The following HEG1 variants were observed in gnomAD, a reference collection of about 807,000 sequenced individuals.
HEG1 encodes the protein heart development protein with EGF like domains 1, also known as protein HEG homolog 1.
In HEG1, 56 loss-of-function variants were observed where a neutral mutation model predicts 125.6. The ratio of observed to expected loss-of-function variants is 0.45; its 90% CI spans 0.36 to 0.56. HEG1 has a LOEUF of 0.56. HEG1 is among the 20% of genes least tolerant of loss of function. HEG1 has a pLI of 0.00. For synonymous variants in HEG1, 644 were observed against 668.5 expected, an observed-to-expected ratio of 0.96 and a Z score of 0.57; for missense variants, 1,523 against 1,670.0, an observed-to-expected ratio of 0.91 and a Z score of 1.53.
chr3:125,048,024 G>T (rs1324779596), intron 1 of HEG1, among the ~76,000 whole-genome samples: 1 of 151,954 alleles, frequency 6.6e-6, no homozygotes, highest in African/African-American at 2.4e-5. Context: ...ATAGATGGGG[G>T]CTCCTGTTAT....
In HEG1 at chr3:125,055,540, A is replaced by C. The variant is rs1178931717; in HGVS notation, c.316+35T>G. 8 of 1,179,840 alleles carry C rather than the reference A, an allele frequency of 6.8e-6. No individual in the cohort carries two copies. The African/African-American group carries it at 1.3e-4, about 19-fold the overall frequency. 73.1% of individuals were successfully genotyped at this position (1,179,840 alleles called of 1,614,324 possible). On this transcript the variant is annotated intron_variant, in intron 1 of 16. Transcript: ENST00000311127. The stretch of plus-strand genomic sequence containing the variant: ...GGGCGCGCCCACGCCCCCAGCACAG[A>C]CTGGCCAGGCGCCAGGTTCCCGGCT...
chr3:124,984,716 A>G (rs1010778520), intron 14 of HEG1, among the ~76,000 whole-genome samples: 38 of 152,108 alleles, frequency 2.5e-4, no homozygotes, highest in African/African-American at 8.9e-4. Context: ...CCAAGATCGC[A>G]CTACTGCACT....
chr3:125,039,010 C>T (rs1487364433), intron 1 of HEG1, among the ~76,000 whole-genome samples: 3 of 152,200 alleles, frequency 2.0e-5, no homozygotes, highest in Non-Finnish European at 4.4e-5. Context: ...CCCATTCACA[C>T]CAACCCTCCT....
intron 1 of HEG1, among the ~76,000 whole-genome samples, chr3:125,045,306 G>C (rs566766435): frequency 6.6e-6 from 1 of 152,034 alleles, no homozygotes; most frequent in Non-Finnish European, 1.5e-5. Flanking sequence ...CCTTCCCCTC[G>C]GCCTCCTGGC....
rs1335271568 is a variant in HEG1 at position 124,977,854 on chromosome 3, C to T, written c.3821+5G>A. ...GGGATTGGAACCTGAACTCTCATCA[C>T]TTACCTGCAACAGGTAACAATCAGT... On this transcript the variant is annotated splice_donor_5th_base_variant and intron_variant, in intron 15 of 16. Transcript: ENST00000311127. 3.9e-6 allele frequency: 6 copies of T among 1,552,692 alleles called. No homozygotes were observed. Among genetic ancestry groups the T allele is most frequent in the Admixed American group, 1.9e-5 (1 of 52,336 alleles).
At chr3:124,988,831 C>T (rs1437293615) in intron 14 of HEG1, among the ~76,000 whole-genome samples, 1 of 152,160 alleles carries the variant, frequency 6.6e-6, no homozygotes. Flanking sequence ...GCAAGAAAAT[C>T]GCTTGAACCC....
chr3:125,000,369 T>C (rs952385458), intron 11 of HEG1, among the ~76,000 whole-genome samples: 2 of 152,158 alleles, frequency 1.3e-5, no homozygotes, highest in African/African-American at 4.8e-5. Flanking sequence ...AAACAAAAAG[T>C]AACCTGGTGC....
intron 3 of HEG1, 61 bp from the exon 4 acceptor site, chr3:125,021,191 T>C (rs1443188987): frequency 7.9e-7 from 1 of 1,269,676 alleles, no homozygotes; most frequent in East Asian, 2.5e-5. Flanking sequence ...CCGGACTATA[T>C]TCGAGATACA....
chr3:125,049,964 C>T (rs1937766990), intron 1 of HEG1, among the ~76,000 whole-genome samples: 1 of 152,202 alleles, frequency 6.6e-6, no homozygotes, highest in African/African-American at 2.4e-5. Context: ...AAGCCCTCCA[C>T]AATCAGGTCT....
intron 12 of HEG1, among the ~76,000 whole-genome samples, chr3:124,992,248 C>T (rs1387182192): frequency 6.6e-6 from 1 of 152,194 alleles, no homozygotes; most frequent in Non-Finnish European, 1.5e-5. Context: ...GGTGGTGCAG[C>T]TCATGGAACG....
chr3:125,028,604 T>C (rs1485412249), intron 2 of HEG1, among the ~76,000 whole-genome samples: 2 of 152,220 alleles, frequency 1.3e-5, no homozygotes, highest in Non-Finnish European at 2.9e-5. Context: ...TTGGGACAAC[T>C]AACTTCTCTG....
chr3:125,048,225 A>G (rs973020825), intron 1 of HEG1, among the ~76,000 whole-genome samples: 2 of 152,252 alleles, frequency 1.3e-5, no homozygotes, highest in African/African-American at 4.8e-5. Flanking sequence ...GAAACTGTCC[A>G]TTTTTAATAG....
At chr3:125,051,338 G>A (rs1430675609) in intron 1 of HEG1, among the ~76,000 whole-genome samples, 1 of 150,514 alleles carries the variant, frequency 6.6e-6, no homozygotes. Context: ...TGGAGGGAGG[G>A]AGGAAGACGA....
chr3:125,050,142 C>CTTT (rs35715939), intron 1 of HEG1, among the ~76,000 whole-genome samples: 3 of 113,554 alleles, frequency 2.6e-5, no homozygotes, highest in African/African-American at 6.4e-5. Context: ...CACCAACTCT[C>CTTT]TTTTTTTTTT....
intron 1 of HEG1, among the ~76,000 whole-genome samples, chr3:125,038,548 G>A (rs978200325): frequency 3.3e-5 from 5 of 152,170 alleles, no homozygotes; most frequent in South Asian, 2.1e-4. Context: ...ACATCCAAGC[G>A]CTTTACACCA....
At chr3:124,985,925 G>A (rs1936731267) in intron 14 of HEG1, among the ~76,000 whole-genome samples, 1 of 152,222 alleles carries the variant, frequency 6.6e-6, no homozygotes, top group African/African-American at 2.4e-5. Context: ...TTACAGGCAT[G>A]TGCCACCATG....
Position 124,967,626 on chromosome 3 carries a change from G to A in HEG1, c.*3026C>T, listed in dbSNP as rs1397564609. 1 of 152,078 alleles carries A rather than the reference G, an allele frequency of 6.6e-6. No individual in the cohort carries two copies. The highest frequency in any genetic ancestry group is 2.4e-5 in the African/African-American group (1 of 41,376). The allele number at this position is 152,078 out of a possible 1,614,324, so 9.4% of individuals were successfully genotyped here. A position where few individuals can be genotyped will look rare whatever the true frequency, so the allele number is the denominator to read the frequency against. ...GGGGTGTGCCAGGACAGTAAGGCAG[G>A]GGGCTACAGTGGGCAGAGTAGCTGG... is the stretch of plus-strand genomic sequence containing the variant. On this transcript the variant is annotated 3_prime_UTR_variant, in exon 17 of 17. Transcript: ENST00000311127.
intron 7 of HEG1, among the ~76,000 whole-genome samples, chr3:125,010,041 C>T (rs1432194698): frequency 6.6e-6 from 1 of 152,196 alleles, no homozygotes; most frequent in East Asian, 1.9e-4. Flanking sequence ...ACAAGATTTG[C>T]ATATACGGGG....
rs754900936 is a variant in HEG1, at chr3:125,013,525, T to C, written c.2054A>G (p.His685Arg). The change falls in exon 6 of 17, where the codon CAC becomes CGC. Residue 685 changes from histidine to arginine, a missense_variant. Transcript: ENST00000311127. ...PLPLPSVSQSHHLFSSILPST... is the reference protein window; with the variant it reads ...PLPLPSVSQSRHLFSSILPST... ...TGGTAAAATTGATGAAAATAAATGG[T>C]GGGATTGTGACACAGAGGGCAGAGG... is the stretch of plus-strand genomic sequence containing the variant. 1 of 1,609,040 alleles carries C rather than the reference T, an allele frequency of 6.2e-7. No homozygotes were observed. Among genetic ancestry groups the C allele is most frequent in the African/African-American group, 1.3e-5 (1 of 74,528 alleles).
Sources: gnomAD v4.1 joint callset for allele counts (sites outside exome capture counted in the v4.1 genomes callset) on GRCh38, gnomAD v4.1.1 for gene constraint, MANE v1.5 for transcripts, NCBI Gene and HGNC (gene_info 2026-07-23, HGNC 2026-07-21) for gene names.